The following SORL1 variants were observed in gnomAD, a reference collection of about 807,000 sequenced individuals.
SORL1 encodes the protein sortilin-related receptor.
A neutral mutation model predicts 273.7 loss-of-function variants in SORL1; 127 were observed. That is an observed-to-expected ratio of 0.46 (90% confidence interval 0.40 to 0.54). The LOEUF (loss-of-function observed/expected upper bound fraction) is 0.54, where lower values mean the gene tolerates loss of function less well. SORL1 is among the 20% of genes least tolerant of loss of function. SORL1 has a pLI of 0.00. For synonymous variants in SORL1, 1,031 were observed against 1,067.4 expected, an observed-to-expected ratio of 0.97 and a Z score of 0.66; for missense variants, 2,494 against 2,846.1, an observed-to-expected ratio of 0.88 and a Z score of 2.81.
intron 21 of SORL1, among the ~76,000 whole-genome samples, chr11:121,561,290 G>A (rs1862668957): frequency 6.6e-6 from 1 of 152,202 alleles, no homozygotes; most frequent in Non-Finnish European, 1.5e-5. Context: ...TTCATCCCAA[G>A]AACTTGGGCA....
intron 25 of SORL1, 68 bp from the exon 26 acceptor site, chr11:121,583,389 AC>A: frequency 1.3e-6 from 2 of 1,496,544 alleles, no homozygotes; most frequent in Non-Finnish European, 1.8e-6. Flanking sequence ...TTTTCAGCCC[AC>A]CCCCTTGGAC....
chr11:121,458,409 T>C (rs1277192430), intron 1 of SORL1, among the ~76,000 whole-genome samples: 1 of 152,202 alleles, frequency 6.6e-6, no homozygotes, highest in Non-Finnish European at 1.5e-5. Flanking sequence ...ACATTGACCT[T>C]TCCTCCATTT....
chr11:121,606,642 G>A (rs1214705553), intron 35 of SORL1, among the ~76,000 whole-genome samples: 5 of 152,220 alleles, frequency 3.3e-5, no homozygotes, highest in Admixed American at 6.5e-5. Context: ...GAGCCATGAT[G>A]TGATGTGTGG....
chr11:121,579,566 A>G (rs7930913), intron 25 of SORL1, among the ~76,000 whole-genome samples: 1,863 of 152,282 alleles, frequency 0.012, 34 homozygotes, highest in African/African-American at 0.042. Context: ...TAGGACAATT[A>G]CCTGTAGACA....
In SORL1 at chr11:121,508,231, G is replaced by A. The variant is rs1861817976; in HGVS notation, c.940-4772G>A. 2.0e-5 allele frequency among the ~76,000 whole-genome samples: 3 copies of A among 152,160 alleles called. No homozygotes were observed. In the South Asian group the frequency reaches 6.2e-4, roughly 31 times the overall value. On this transcript the variant is annotated intron_variant, in intron 6 of 47. Coordinates refer to ENST00000260197, the MANE Select transcript of SORL1 (RefSeq NM_003105.6). The stretch of plus-strand genomic sequence containing the variant: ...TTATGTAGAGCTTCAAGATTAGCTG[G>A]AGGTAAGAGACTAGACCCCGTTCAT...
At chr11:121,624,993 C>T (rs1294300161) in intron 45 of SORL1, 92 bp from the exon 46 acceptor site, 1 of 907,372 alleles carries the variant, frequency 1.1e-6, no homozygotes, top group East Asian at 2.6e-5. Context: ...TAGCAGCCCA[C>T]AGTGAGGAGC....
intron 31 of SORL1, among the ~76,000 whole-genome samples, chr11:121,594,711 C>A (rs1407742001): frequency 1.3e-5 from 2 of 152,136 alleles, no homozygotes; most frequent in African/African-American, 4.8e-5. Context: ...CTCTGTTTGG[C>A]TTTCTGCCTT....
At chr11:121,465,717 CG>C (rs1380623222) in intron 1 of SORL1, among the ~76,000 whole-genome samples, 2 of 152,142 alleles carry the variant, frequency 1.3e-5, no homozygotes, top group Non-Finnish European at 2.9e-5. Flanking sequence ...TTAGTAGAGA[CG>C]GTTTTTCACT....
At chr11:121,585,197 A>T (rs557323339) in intron 26 of SORL1, among the ~76,000 whole-genome samples, 1 of 152,300 alleles carries the variant, frequency 6.6e-6, no homozygotes, top group African/African-American at 2.4e-5. Flanking sequence ...TAAAAAATAT[A>T]CTTAGATCAG....
In SORL1 at chr11:121,478,935, C is replaced by T. The variant is rs143309114; in HGVS notation, c.528+692C>T. Reference sequence around the variant, plus strand: ...ACCTGTGTGCATGCATTGGTACCCACGTGCGTGTGTGGGTACCTGCGTGCG... The same window carrying T: ...ACCTGTGTGCATGCATTGGTACCCATGTGCGTGTGTGGGTACCTGCGTGCG... On this transcript the variant is annotated intron_variant, in intron 3 of 47. Coordinates refer to ENST00000260197, the MANE Select transcript of SORL1 (RefSeq NM_003105.6). Among the ~76,000 whole-genome samples, 3 of 146,546 alleles carry T rather than the reference C, an allele frequency of 2.0e-5. No homozygotes were observed. In the South Asian group the frequency reaches 6.5e-4, roughly 32 times the overall value.
At chr11:121,485,812 A>G (rs1389959051) in intron 3 of SORL1, among the ~76,000 whole-genome samples, 1 of 152,240 alleles carries the variant, frequency 6.6e-6, no homozygotes, top group Non-Finnish European at 1.5e-5. Flanking sequence ...TTTTTATAAC[A>G]TTGCATTTTA....
chr11:121,583,045 C>G (rs1863035465), intron 25 of SORL1, among the ~76,000 whole-genome samples: 1 of 152,198 alleles, frequency 6.6e-6, no homozygotes, highest in Non-Finnish European at 1.5e-5. Context: ...GGTGAGAAGG[C>G]AAACTACCAG....
Position 121,631,659 on chromosome 11 carries a change from T to C in SORL1, c.*2096T>C, listed in dbSNP as rs1863878700. ...TTTTTACAGAGCATATGTCTCCAGT[T>C]GGCAGCTTGAGATATTTCCGAGCAT... On this transcript the variant is annotated 3_prime_UTR_variant, in exon 48 of 48. Transcript: ENST00000260197. 1 of 152,228 alleles carries C rather than the reference T, an allele frequency of 6.6e-6. No homozygotes were observed. Among genetic ancestry groups the C allele is most frequent in the African/African-American group, 2.4e-5 (1 of 41,450 alleles). The allele number at this position is 152,228 out of a possible 1,614,324, so 9.4% of individuals were successfully genotyped here. A position where few individuals can be genotyped will look rare whatever the true frequency, so the allele number is the denominator to read the frequency against.
intron 23 of SORL1, among the ~76,000 whole-genome samples, chr11:121,570,818 A>G (rs1862830974): frequency 6.6e-6 from 1 of 152,244 alleles, no homozygotes; most frequent in African/African-American, 2.4e-5. Context: ...TTTAGGCTGT[A>G]TAATTTTTAA....
rs1863902920 is a variant in SORL1, at chr11:121,633,444, A to T, written c.*3881A>T. 1 of 152,228 alleles carries T rather than the reference A, an allele frequency of 6.6e-6. No homozygotes were observed. The highest frequency in any genetic ancestry group is 1.5e-5 in the Non-Finnish European group (1 of 68,046). 9.4% of individuals were successfully genotyped at this position (152,228 alleles called of 1,614,324 possible). ...ACTATTAGAAACTTTAGGCAAAATC[A>T]AAAGTATTTGCGGCAAAATAAAGGC... On this transcript the variant is annotated 3_prime_UTR_variant, in exon 48 of 48. Coordinates refer to ENST00000260197, the MANE Select transcript of SORL1 (RefSeq NM_003105.6).
At chr11:121,586,695 G>GGGGC (rs1237937225) in intron 27 of SORL1, among the ~76,000 whole-genome samples, 1 of 10,084 alleles carries the variant, frequency 9.9e-5, no homozygotes, top group Non-Finnish European at 3.9e-4. Flanking sequence ...GGGTAGAGTG[G>GGGGC]GGGGGGGGGC....
chr11:121,560,920 G>A (rs1166595639), intron 21 of SORL1, among the ~76,000 whole-genome samples: 1 of 152,066 alleles, frequency 6.6e-6, no homozygotes, highest in African/African-American at 2.4e-5. Flanking sequence ...CAATTCTGCC[G>A]CTAAATGGAG....
chr11:121,601,914 C>T (rs750164420), intron 32 of SORL1, among the ~76,000 whole-genome samples: 4 of 152,192 alleles, frequency 2.6e-5, no homozygotes, highest in Non-Finnish European at 2.9e-5. Flanking sequence ...TAGTCTCTCC[C>T]TGGCAATCCT....
chr11:121,506,960 A>T (rs1448277767), intron 6 of SORL1, among the ~76,000 whole-genome samples: 1 of 152,034 alleles, frequency 6.6e-6, no homozygotes, highest in Non-Finnish European at 1.5e-5. Flanking sequence ...TCTTTCACTA[A>T]ATTTTTCCCA....
Sources: gnomAD v4.1 joint callset for allele counts (sites outside exome capture counted in the v4.1 genomes callset) on GRCh38, gnomAD v4.1.1 for gene constraint, MANE v1.5 for transcripts, NCBI Gene and HGNC (gene_info 2026-07-23, HGNC 2026-07-21) for gene names.